The following GBF1 variants were observed in gnomAD, a reference collection of about 807,000 sequenced individuals.
GBF1 encodes the protein golgi brefeldin A resistant guanine nucleotide exchange factor 1.
GBF1 carries 114 observed loss-of-function variants against 210.5 expected under a neutral mutation model. That is an observed-to-expected ratio of 0.54 (90% CI 0.47 to 0.63). The LOEUF (loss-of-function observed/expected upper bound fraction) is 0.63, where lower values mean the gene tolerates loss of function less well. Ranked by LOEUF, GBF1 falls within the 30% of genes least tolerant of loss-of-function variation. The pLI, the probability that GBF1 is intolerant of heterozygous loss-of-function variation, is 0.00. For missense variants in GBF1, 1,851 were observed against 2,357.7 expected (o/e 0.79, Z 4.45); for synonymous variants, 850 against 889.2 (o/e 0.96, Z 0.78).
rs7916142 is a variant in GBF1 at position 102,374,075 on chromosome 10, C to T, written c.3661-1284C>T. ...CTTTAGAATTTGAAGACAGGCTGGG[C>T]GCAGTGGCTCACACCTGTAATCCCA... On this transcript the variant is annotated intron_variant, in intron 29 of 39. Transcript: ENST00000369983. 1.2e-4 allele frequency among the ~76,000 whole-genome samples: 18 copies of T among 152,252 alleles called. No individual in the cohort carries two copies. In the East Asian group the frequency reaches 1.3e-3, roughly 11 times the overall value.
intron 3 of GBF1, among the ~76,000 whole-genome samples, chr10:102,340,908 CAG>C (rs1401831600): frequency 6.6e-6 from 1 of 152,114 alleles, no homozygotes; most frequent in Non-Finnish European, 1.5e-5. Flanking sequence ...TGGAATTAGG[CAG>C]AGTCAATTTA....
At chr10:102,300,481 A>G (rs2077248567) in intron 3 of GBF1, among the ~76,000 whole-genome samples, 1 of 152,242 alleles carries the variant, frequency 6.6e-6, no homozygotes, top group Admixed American at 6.5e-5. Flanking sequence ...TGACCTTTCC[A>G]TCAAGTGGGG....
At chr10:102,302,319 G>A (rs1485196589) in intron 3 of GBF1, among the ~76,000 whole-genome samples, 1 of 151,944 alleles carries the variant, frequency 6.6e-6, no homozygotes, top group East Asian at 1.9e-4. Flanking sequence ...TATAGTACGT[G>A]GTTACACAAC....
intron 3 of GBF1, among the ~76,000 whole-genome samples, chr10:102,311,843 A>G (rs2078466883): frequency 6.6e-6 from 1 of 152,200 alleles, no homozygotes; most frequent in Non-Finnish European, 1.5e-5. Context: ...TTCCCCAGCA[A>G]ATAAGAGTCT....
At chr10:102,301,706 G>A in intron 3 of GBF1, among the ~76,000 whole-genome samples, 1 of 151,850 alleles carries the variant, frequency 6.6e-6, no homozygotes, top group Admixed American at 6.6e-5. Context: ...CTCAGACGAT[G>A]GGCGGCTGGG....
chr10:102,293,764 G>GTATTTTATTTTTTTTT (rs2076641356), intron 3 of GBF1, among the ~76,000 whole-genome samples: 1 of 50,888 alleles, frequency 2.0e-5, no homozygotes. Context: ...GCTGTAGTAT[G>GTATTTTATTTTTTTTT]TTTTGTGTTT....
At chr10:102,344,250 C>T (rs2058385015) in intron 4 of GBF1, 68 bp downstream of exon 4, 2 of 1,454,122 alleles carry the variant, frequency 1.4e-6, no homozygotes, top group Admixed American at 1.8e-5. Context: ...GTGCCCAGGC[C>T]TTAGGCAATG....
At chr10:102,318,575 A>G (rs1179905729) in intron 3 of GBF1, among the ~76,000 whole-genome samples, 1 of 152,078 alleles carries the variant, frequency 6.6e-6, no homozygotes, top group Non-Finnish European at 1.5e-5. Flanking sequence ...TATCACTCTT[A>G]AGGATCCTTA....
At chr10:102,290,879 T>G (rs1402585749) in intron 3 of GBF1, among the ~76,000 whole-genome samples, 2 of 152,250 alleles carry the variant, frequency 1.3e-5, no homozygotes, top group Non-Finnish European at 2.9e-5. Context: ...TGCTGCATCC[T>G]ATATTGAGTT....
At chr10:102,375,260 C>T in intron 29 of GBF1, 99 bp from the exon 30 acceptor site, 1 of 739,636 alleles carries the variant, frequency 1.4e-6, no homozygotes, top group Non-Finnish European at 2.4e-6. Context: ...AAACTGTCTT[C>T]ACTGGCCTAA....
chr10:102,273,620 C>T (rs1233702889), intron 3 of GBF1, among the ~76,000 whole-genome samples: 1 of 152,212 alleles, frequency 6.6e-6, no homozygotes, highest in Non-Finnish European at 1.5e-5. Context: ...GCCCTTCTCA[C>T]CATTTTCTTG....
intron 7 of GBF1, 57 bp from the exon 8 acceptor site, chr10:102,353,543 G>A: frequency 8.3e-7 from 1 of 1,200,278 alleles, no homozygotes; most frequent in Non-Finnish European, 1.2e-6. Flanking sequence ...TGGCTGGCAT[G>A]GAGGGAGACA....
At chr10:102,256,686 A>G (rs1379207321) in intron 1 of GBF1, among the ~76,000 whole-genome samples, 1 of 151,658 alleles carries the variant, frequency 6.6e-6, no homozygotes, top group Non-Finnish European at 1.5e-5. Context: ...CACCTGCCCA[A>G]TTTTTGTATT....
chr10:102,232,898 G>C, the GBF1 span, among the ~76,000 whole-genome samples: 2 of 152,108 alleles, frequency 1.3e-5, no homozygotes, highest in African/African-American at 4.8e-5. Flanking sequence ...TCTCCCTTAA[G>C]AATAATGTAT....
At chr10:102,313,326 G>A (rs1565096753) in intron 3 of GBF1, among the ~76,000 whole-genome samples, 1 of 152,186 alleles carries the variant, frequency 6.6e-6, no homozygotes, top group South Asian at 2.1e-4. Context: ...AGTGATTTAC[G>A]AGGTGTGGGC....
chr10:102,278,207 A>G (rs1186027044), intron 3 of GBF1, among the ~76,000 whole-genome samples: 2 of 152,022 alleles, frequency 1.3e-5, no homozygotes, highest in Admixed American at 6.5e-5. Flanking sequence ...GCGGTGAGCT[A>G]TGATCATGCC....
At chr10:102,283,898 C>T (rs1008672461) in intron 3 of GBF1, among the ~76,000 whole-genome samples, 9 of 152,158 alleles carry the variant, frequency 5.9e-5, no homozygotes, top group African/African-American at 2.2e-4. Flanking sequence ...TTTGTGAAGT[C>T]TCAATAGATG....
intron 26 of GBF1, 32 bp downstream of exon 26, chr10:102,370,016 C>T (rs1423118633): frequency 6.2e-7 from 1 of 1,611,970 alleles, no homozygotes; most frequent in Admixed American, 1.7e-5. Context: ...GTGAGAAAGC[C>T]TAAACACCTT....
At chr10:102,344,520 G>A (rs948406739) in intron 4 of GBF1, among the ~76,000 whole-genome samples, 9 of 151,904 alleles carry the variant, frequency 5.9e-5, no homozygotes, top group Admixed American at 2.6e-4. Context: ...TCACTCTGTC[G>A]CCCAGGCTGG....
Sources: gnomAD v4.1 joint callset for allele counts (sites outside exome capture counted in the v4.1 genomes callset) on GRCh38, gnomAD v4.1.1 for gene constraint, MANE v1.5 for transcripts, NCBI Gene and HGNC (gene_info 2026-07-23, HGNC 2026-07-21) for gene names.